SIRT4: variants seen among roughly 807,000 people sequenced by gnomAD.
The protein encoded by SIRT4 is NAD-dependent protein lipoamidase sirtuin-4, mitochondrial.
SIRT4 carries 23 observed loss-of-function variants against 26.1 expected under a neutral mutation model. The ratio of observed to expected loss-of-function variants is 0.88; its 90% CI spans 0.63 to 1.25. The LOEUF is 1.25. SIRT4 is among the 50% of genes most tolerant of loss of function. SIRT4 has a pLI of 0.00. For missense variants in SIRT4, 361 were observed against 405.4 expected (o/e 0.89, Z 0.94); for synonymous variants, 155 against 158.4 (o/e 0.98, Z 0.16).
chr12:120,303,932 C>T lies in SIRT4; in HGVS notation c.371C>T (p.Ala124Val). ...TTCTCCTCCCACCAGCCTAACCCTG[C>T]ACACTGGGCTTTGAGCACCTGGGAG... ...PQFSSHQPNP[A>V]HWALSTWEKL... Residue 124 changes from alanine to valine, a missense_variant, in exon 2 of 4, where the codon GCA (alanine) becomes GTA (valine). Ala to Val is a moderately conservative substitution (Grantham distance 64). Transcript: ENST00000202967. The T allele has an allele frequency of 6.2e-7, 1 of 1,614,204 alleles. No homozygotes were observed. Among genetic ancestry groups the T allele is most frequent in the Non-Finnish European group, 8.5e-7 (1 of 1,180,042 alleles).
chr12:120,305,316 T>C (rs1872710317), intron 2 of SIRT4, among the ~76,000 whole-genome samples: 2 of 152,072 alleles, frequency 1.3e-5, no homozygotes, highest in African/African-American at 4.8e-5. Flanking sequence ...GGTGGTGTGA[T>C]TATAGCTCAC....
the SIRT4 span, among the ~76,000 whole-genome samples, chr12:120,295,255 C>T: frequency 6.5e-5 from 9 of 139,252 alleles, no homozygotes; most frequent in South Asian, 2.2e-4. Context: ...GCTCTTGTTG[C>T]GCAGTCTGGA....
At chr12:120,301,753 C>T (rs1872557696), upstream of SIRT4, among the ~76,000 whole-genome samples, 1 of 150,792 alleles carries the variant, frequency 6.6e-6, no homozygotes, top group Non-Finnish European at 1.5e-5. Context: ...TAGACAGGCA[C>T]AGAGAAAAGA....
chr12:120,308,527 C>T (rs1208905915), intron 2 of SIRT4, among the ~76,000 whole-genome samples: 1 of 152,066 alleles, frequency 6.6e-6, no homozygotes, highest in Non-Finnish European at 1.5e-5. Context: ...TTTGTCTAGG[C>T]AAGAGCGGGA....
chr12:120,295,810 C>A, the SIRT4 span, among the ~76,000 whole-genome samples: 2 of 151,696 alleles, frequency 1.3e-5, no homozygotes, highest in Admixed American at 6.6e-5. Context: ...GTAATCCCAA[C>A]GCTTTGGGAG....
the SIRT4 span, chr12:120,291,849 A>G: frequency 1.3e-5 from 2 of 152,214 alleles, no homozygotes; most frequent in Admixed American, 6.6e-5. Context: ...TCAATTAGCA[A>G]TAATCGCGCC....
At chr12:120,292,298 G>C in the SIRT4 span, among the ~76,000 whole-genome samples, 2 of 152,104 alleles carry the variant, frequency 1.3e-5, no homozygotes, top group Non-Finnish European at 1.5e-5. Flanking sequence ...ACGTCACTGT[G>C]ACAAAATCTG....
intron 2 of SIRT4, among the ~76,000 whole-genome samples, chr12:120,309,504 C>T (rs1872875750): frequency 2.0e-5 from 3 of 150,680 alleles, no homozygotes; most frequent in South Asian, 2.1e-4. Flanking sequence ...CTCCACCTCC[C>T]GGGTTCAACC....
chr12:120,306,422 C>A (rs968120822), intron 2 of SIRT4, among the ~76,000 whole-genome samples: 1 of 151,964 alleles, frequency 6.6e-6, no homozygotes, highest in Non-Finnish European at 1.5e-5. Flanking sequence ...TTGCGGTGAG[C>A]CGAGATTGTG....
At position 120,303,604 on chromosome 12, in the gene SIRT4, C is replaced by T. The variant is rs373899258; in HGVS notation, c.43C>T (p.Arg15Cys). 4 of 1,613,796 alleles carry T rather than the reference C, an allele frequency of 2.5e-6. No individual in the cohort carries two copies. The highest frequency in any genetic ancestry group is 1.6e-4 in the Middle Eastern group (1 of 6,078). ...GTTGACTTTCAGGTCAGCAAAAGGC[C>T]GTTGGATCGCAAACCCCAGCCAGCC... ...FALTFRSAKG[R>C]WIANPSQPCS... The change falls in exon 2 of 4, where the codon CGT (arginine) becomes TGT (cysteine). Residue 15 changes from arginine to cysteine, a missense_variant. Physicochemically the swap from Arg to Cys is radical, Grantham distance 180. Coordinates refer to ENST00000202967, the MANE Select transcript of SIRT4 (RefSeq NM_012240.3).
upstream of SIRT4, among the ~76,000 whole-genome samples, chr12:120,297,748 T>G (rs1265702892): frequency 6.6e-6 from 1 of 151,968 alleles, no homozygotes; most frequent in African/African-American, 2.4e-5. Context: ...ACTGAAAAAA[T>G]AACCTAGGTT....
intron 2 of SIRT4, among the ~76,000 whole-genome samples, chr12:120,309,405 T>C (rs1029218917): frequency 3.3e-5 from 5 of 151,132 alleles, no homozygotes; most frequent in Non-Finnish European, 5.9e-5. Context: ...GGGGCCTTTT[T>C]TTCTTTTCTT....
chr12:120,302,882 G>C (rs1022791622), intron 1 of SIRT4, among the ~76,000 whole-genome samples: 1 of 151,458 alleles, frequency 6.6e-6, no homozygotes, highest in Non-Finnish European at 1.5e-5. Context: ...ACAATGCCCG[G>C]CTAATTTTTT....
At chr12:120,298,763 C>T (rs1335801807), upstream of SIRT4, among the ~76,000 whole-genome samples, 3 of 146,080 alleles carry the variant, frequency 2.1e-5, no homozygotes, top group Non-Finnish European at 4.5e-5. Flanking sequence ...AAAAATTAGC[C>T]GGGCATGGTG....
At chr12:120,291,946 T>G in the SIRT4 span, 1 of 152,048 alleles carries the variant, frequency 6.6e-6, no homozygotes, top group East Asian at 1.9e-4. Flanking sequence ...GGATGATGAC[T>G]ACCATTACAT....
the SIRT4 span, among the ~76,000 whole-genome samples, chr12:120,295,137 G>T: frequency 6.6e-6 from 1 of 150,918 alleles, no homozygotes; most frequent in Non-Finnish European, 1.5e-5. Flanking sequence ...TTTTTAGATG[G>T]TCATTGCTGG....
At chr12:120,293,505 G>A in the SIRT4 span, among the ~76,000 whole-genome samples, 1 of 152,158 alleles carries the variant, frequency 6.6e-6, no homozygotes, top group East Asian at 1.9e-4. Flanking sequence ...TGAGAGAAAA[G>A]GGATCAAAAT....
upstream of SIRT4, among the ~76,000 whole-genome samples, chr12:120,301,270 G>A (rs111528873): frequency 9.7e-3 from 1,478 of 152,252 alleles, 24 homozygotes; most frequent in African/African-American, 0.032. Context: ...GCTTGAACCC[G>A]GGAGGCGGAG....
intron 1 of SIRT4, among the ~76,000 whole-genome samples, 154 bp downstream of exon 1, chr12:120,302,532 C>T (rs567703467): frequency 1.3e-5 from 2 of 152,122 alleles, no homozygotes; most frequent in East Asian, 3.9e-4. Context: ...ACCCTTTGGT[C>T]TCGGGAAACC....
Sources: gnomAD v4.1 joint callset for allele counts (sites outside exome capture counted in the v4.1 genomes callset) on GRCh38, gnomAD v4.1.1 for gene constraint, MANE v1.5 for transcripts, NCBI Gene and HGNC (gene_info 2026-07-23, HGNC 2026-07-21) for gene names.